Variants in VWA8 observed in about 807,000 individuals in gnomAD.
VWA8 encodes von Willebrand factor A domain-containing protein 8.
Under a neutral mutation model 241.5 loss-of-function variants are expected in VWA8, and 221 were observed. The observed-to-expected ratio is 0.91, with a 90% CI of 0.82 to 1.02. The LOEUF (loss-of-function observed/expected upper bound fraction) is 1.02. VWA8 is among the 50% of genes least tolerant of loss of function. The probability of loss-of-function intolerance (pLI) is 0.00; values close to 1 mark genes in which losing one functional copy is unlikely to be tolerated. For missense variants in VWA8, 2,322 were observed against 2,328.7 expected (o/e 1.00, Z 0.06); for synonymous variants, 852 against 827.1 (o/e 1.03, Z -0.52).
intron 2 of VWA8, among the ~76,000 whole-genome samples, chr13:41,942,063 CT>C (rs562818574): frequency 1.3e-3 from 203 of 152,240 alleles, no homozygotes; most frequent in African/African-American, 3.9e-3. Flanking sequence ...GAAAAGTGCC[CT>C]TTTCCCCCCA....
intron 4 of VWA8, among the ~76,000 whole-genome samples, chr13:41,895,341 A>C (rs542761245): frequency 6.6e-6 from 1 of 152,260 alleles, no homozygotes; most frequent in South Asian, 2.1e-4. Flanking sequence ...AAACGAGTAG[A>C]GTAAGAACTA....
chr13:41,947,924 CCTGT>C lies in VWA8; in HGVS notation c.241+2008_241+2011del, dbSNP rs1255842708. ...CCCAGCCTGGGCCACAAAGTGAGAC[CCTGT>C]CTCAAAAAAAAAAAAAAAAAAAAAA... On this transcript the variant is annotated intron_variant, in intron 2 of 44. Transcript: ENST00000379310. Among the ~76,000 whole-genome samples, 19 of 112,912 alleles carry C rather than the reference CCTGT, an allele frequency of 1.7e-4. No homozygotes were observed. The Admixed American group carries it at 2.0e-3, about 12-fold the overall frequency. The allele number at this position is 112,912 out of a possible 152,430, so 74.1% of individuals were successfully genotyped here. A position where few individuals can be genotyped will look rare whatever the true frequency, so the allele number is the denominator to read the frequency against.
At position 41,675,266 on chromosome 13, in the gene VWA8, A is replaced by G. The variant is rs750806395; in HGVS notation, c.4358T>C (p.Ile1453Thr). The part of the protein sequence containing the change: ...DVTPPQTSGY[I>T]EVTDLQSKKL... Reference sequence around the variant, plus strand: ...CTTTGATTGAAGATCAGTGACTTCTATATAACCAGATGTTTGTGGAGGAGT... The same window carrying G: ...CTTTGATTGAAGATCAGTGACTTCTGTATAACCAGATGTTTGTGGAGGAGT... The change falls in exon 36 of 45, where the codon ATA becomes ACA. Residue 1453 changes from isoleucine to threonine, a missense_variant. Ile to Thr is a moderately conservative substitution (Grantham distance 89, BLOSUM62 -1). Transcript: ENST00000379310. 7 of 1,613,218 alleles carry G rather than the reference A, an allele frequency of 4.3e-6. No homozygotes were observed. The Admixed American group carries it at 1.2e-4, about 27-fold the overall frequency.
At chr13:41,578,398 C>G (rs2044363454) in intron 42 of VWA8, among the ~76,000 whole-genome samples, 1 of 152,078 alleles carries the variant, frequency 6.6e-6, no homozygotes, top group Non-Finnish European at 1.5e-5. Context: ...CAAATGTGGA[C>G]CATTCCCTGG....
At chr13:41,804,052 G>A (rs1295993746) in intron 17 of VWA8, among the ~76,000 whole-genome samples, 1 of 152,092 alleles carries the variant, frequency 6.6e-6, no homozygotes, top group Non-Finnish European at 1.5e-5. Context: ...CTAGAAAATG[G>A]CCTAAAAAGG....
intron 37 of VWA8, among the ~76,000 whole-genome samples, chr13:41,626,192 C>T (rs2044689866): frequency 6.6e-6 from 1 of 152,018 alleles, no homozygotes; most frequent in African/African-American, 2.4e-5. Context: ...TGTAACAAAC[C>T]TGCACATTGT....
At chr13:41,805,101 C>T (rs549693295) in intron 17 of VWA8, among the ~76,000 whole-genome samples, 3 of 152,166 alleles carry the variant, frequency 2.0e-5, no homozygotes, top group African/African-American at 7.2e-5. Flanking sequence ...ACTTTCCAGT[C>T]AAAAGACAGA....
chr13:41,611,777 CCA>C (rs1261454556), intron 38 of VWA8, 45 bp from the exon 39 acceptor site: 1 of 1,607,982 alleles, frequency 6.2e-7, no homozygotes, highest in Non-Finnish European at 8.5e-7. Context: ...CTGAACTTGA[CCA>C]CAGAACAAAA....
At chr13:41,906,253 A>G (rs1178241064) in intron 4 of VWA8, among the ~76,000 whole-genome samples, 1 of 152,254 alleles carries the variant, frequency 6.6e-6, no homozygotes, top group East Asian at 1.9e-4. Flanking sequence ...ATAACGTAAC[A>G]GTGTGCCCAT....
At chr13:41,763,191 A>G (rs564815234) in intron 20 of VWA8, among the ~76,000 whole-genome samples, 2 of 152,206 alleles carry the variant, frequency 1.3e-5, no homozygotes, top group South Asian at 2.1e-4. Flanking sequence ...TGGGAGGCTG[A>G]GGTGGAAGGA....
At chr13:41,678,412 GT>G (rs1410422042) in intron 35 of VWA8, among the ~76,000 whole-genome samples, 3 of 152,200 alleles carry the variant, frequency 2.0e-5, no homozygotes, top group Non-Finnish European at 4.4e-5. Flanking sequence ...CTTGGATAAA[GT>G]TTTGTATCAT....
At chr13:41,866,996 T>TACCACACGA (rs1873342366) in intron 10 of VWA8, among the ~76,000 whole-genome samples, 2 of 152,184 alleles carry the variant, frequency 1.3e-5, no homozygotes, top group Admixed American at 1.3e-4. Context: ...TCATGTTATA[T>TACCACACGA]ACCACACGAA....
At chr13:41,693,045 T>G (rs1465152124) in intron 29 of VWA8, 73 bp from the exon 30 acceptor site, 1 of 993,954 alleles carries the variant, frequency 1.0e-6, no homozygotes, top group Non-Finnish European at 1.5e-6. Flanking sequence ...AGCAACCTCT[T>G]GGCAACCTGA....
In VWA8 at chr13:41,830,436, T is replaced by C. The variant is rs1051001789; in HGVS notation, c.1700+93A>G. The C allele has an allele frequency of 1.8e-5, 19 of 1,052,030 alleles. No individual in the cohort carries two copies. In the East Asian group the frequency reaches 1.9e-4, roughly 10 times the overall value. 65.2% of individuals were successfully genotyped at this position (1,052,030 alleles called of 1,614,324 possible). A position where few individuals can be genotyped will look rare whatever the true frequency, so the allele number is the denominator to read the frequency against. On this transcript the variant is annotated intron_variant, in intron 14 of 44. Transcript: ENST00000379310. ...CAAATTATTAAATTGTTCAAAGTTA[T>C]CTTGGCATTATTCTAGGTTTAGAAA...
intron 16 of VWA8, among the ~76,000 whole-genome samples, chr13:41,813,956 C>T (rs931245923): frequency 5.3e-5 from 8 of 151,898 alleles, no homozygotes; most frequent in Non-Finnish European, 1.2e-4. Flanking sequence ...AAGAGTACAC[C>T]TCGAAGGGGT....
chr13:41,676,091 T>C (rs1242844526), intron 35 of VWA8, among the ~76,000 whole-genome samples: 1 of 152,098 alleles, frequency 6.6e-6, no homozygotes, highest in Non-Finnish European at 1.5e-5. Context: ...CACAGTATAA[T>C]TGCATCATGT....
intron 21 of VWA8, among the ~76,000 whole-genome samples, chr13:41,748,280 G>T (rs571389644): frequency 6.6e-6 from 1 of 152,162 alleles, no homozygotes; most frequent in Non-Finnish European, 1.5e-5. Flanking sequence ...TTCAGATCCT[G>T]TTATTGGTCT....
At chr13:41,670,552 T>C (rs1369110985) in intron 37 of VWA8, among the ~76,000 whole-genome samples, 1 of 152,168 alleles carries the variant, frequency 6.6e-6, no homozygotes, top group East Asian at 1.9e-4. Context: ...AATAATCTGC[T>C]GTATTCTAGT....
At chr13:41,716,417 T>C (rs2045348334) in intron 26 of VWA8, among the ~76,000 whole-genome samples, 1 of 152,086 alleles carries the variant, frequency 6.6e-6, no homozygotes, top group African/African-American at 2.4e-5. Flanking sequence ...ATCTCTCTTT[T>C]GGGAATTTTG....
Sources: gnomAD v4.1 joint callset for allele counts (sites outside exome capture counted in the v4.1 genomes callset) on GRCh38, gnomAD v4.1.1 for gene constraint, MANE v1.5 for transcripts, NCBI Gene and HGNC (gene_info 2026-07-23, HGNC 2026-07-21) for gene names.